The following SFRP1 variants were observed in gnomAD, a reference collection of about 807,000 sequenced individuals.
The protein encoded by SFRP1 is secreted frizzled-related protein 1.
In SFRP1, 9 loss-of-function variants were observed where a neutral mutation model predicts 25.9. That is an observed-to-expected ratio of 0.35 (90% CI 0.21 to 0.61). SFRP1 has a LOEUF of 0.61. SFRP1 is among the 20% of genes least tolerant of loss of function. The probability of loss-of-function intolerance (pLI) is 0.78; values close to 1 mark genes in which losing one functional copy is unlikely to be tolerated. For missense variants in SFRP1, 346 were observed against 418.2 expected (o/e 0.83, Z 1.51); for synonymous variants, 178 against 174.0 (o/e 1.02, Z -0.18).
At chr8:41,306,837 T>G in intron 1 of SFRP1, 1 of 1,598,028 alleles carries the variant, frequency 6.3e-7, no homozygotes, top group Non-Finnish European at 8.5e-7. Context: ...AGACAGCGAT[T>G]ATGGGGTTTC....
chr8:41,305,429 G>T (rs544310669), intron 1 of SFRP1, among the ~76,000 whole-genome samples: 2 of 152,332 alleles, frequency 1.3e-5, no homozygotes, highest in African/African-American at 4.8e-5. Context: ...GCAGGAGCTC[G>T]TTGGGGTGGG....
chr8:41,262,668 G>A lies in SFRP1; in HGVS notation c.*2499C>T, dbSNP rs1356555537. Reference sequence around the variant, plus strand: ...TTACAAATCCCACCTTGGCCCTAGCGATAATTAGGAAATCACAGGCAAACC... The same window carrying A: ...TTACAAATCCCACCTTGGCCCTAGCAATAATTAGGAAATCACAGGCAAACC... On this transcript the variant is annotated 3_prime_UTR_variant, in exon 3 of 3. Transcript: ENST00000220772. 1.3e-5 allele frequency: 2 copies of A among 152,134 alleles called. No homozygotes were observed. The highest frequency in any genetic ancestry group is 2.9e-5 in the Non-Finnish European group (2 of 68,042). 9.4% of individuals were successfully genotyped at this position (152,134 alleles called of 1,614,324 possible).
At chr8:41,301,557 A>G (rs905024750) in intron 2 of SFRP1, among the ~76,000 whole-genome samples, 4 of 152,314 alleles carry the variant, frequency 2.6e-5, no homozygotes, top group African/African-American at 9.6e-5. Context: ...TACGCACACT[A>G]AGGAGGTCAG....
intron 2 of SFRP1, among the ~76,000 whole-genome samples, chr8:41,297,970 G>A (rs1056184996): frequency 6.6e-6 from 1 of 152,200 alleles, no homozygotes; most frequent in African/African-American, 2.4e-5. Context: ...GTGCAATCTG[G>A]CCTGGATGCC....
At chr8:41,285,727 C>T (rs996197603) in intron 2 of SFRP1, among the ~76,000 whole-genome samples, 1 of 152,116 alleles carries the variant, frequency 6.6e-6, no homozygotes, top group Non-Finnish European at 1.5e-5. Flanking sequence ...CAGGGAGTGC[C>T]CCTGCCATGC....
chr8:41,306,928 T>C (rs2117523949), intron 1 of SFRP1: 3 of 1,557,070 alleles, frequency 1.9e-6, no homozygotes, highest in South Asian at 1.2e-5. Context: ...AATCCCCCCA[T>C]GTTCCCTGTG....
intron 2 of SFRP1, among the ~76,000 whole-genome samples, chr8:41,278,063 G>A (rs1056993737): frequency 3.3e-5 from 5 of 152,156 alleles, no homozygotes; most frequent in Non-Finnish European, 7.3e-5. Flanking sequence ...TATCTTTTAA[G>A]GACTCTTTCT....
chr8:41,306,055 C>G (rs1287354700), intron 1 of SFRP1, among the ~76,000 whole-genome samples: 1 of 151,952 alleles, frequency 6.6e-6, no homozygotes, highest in Non-Finnish European at 1.5e-5. Flanking sequence ...AATGCATCAG[C>G]CTGGGAGTTC....
At position 41,290,060 on chromosome 8, in the gene SFRP1, G is replaced by A. The variant is rs116390811; in HGVS notation, c.622+13401C>T. 9.4e-3 allele frequency among the ~76,000 whole-genome samples: 1,433 copies of A among 152,306 alleles called. 21 individuals carry two copies. The highest frequency in any genetic ancestry group is 0.032 in the African/African-American group (1,337 of 41,576). ...CAGACAGACGCACAGGAGGGCACAC[G>A]TACACAGCTCATCACACCACACACT... On this transcript the variant is annotated intron_variant, in intron 2 of 2. Coordinates refer to ENST00000220772, the MANE Select transcript of SFRP1 (RefSeq NM_003012.5).
At chr8:41,268,220 T>C (rs1240859838) in intron 2 of SFRP1, among the ~76,000 whole-genome samples, 1 of 152,122 alleles carries the variant, frequency 6.6e-6, no homozygotes, top group Non-Finnish European at 1.5e-5. Flanking sequence ...GCAGCAACCA[T>C]GTTAAGAAGG....
chr8:41,273,242 C>A (rs1171166230), intron 2 of SFRP1, among the ~76,000 whole-genome samples: 1 of 152,166 alleles, frequency 6.6e-6, no homozygotes, highest in Non-Finnish European at 1.5e-5. Context: ...GTAATCCTAG[C>A]ACTTTGGGAG....
intron 2 of SFRP1, among the ~76,000 whole-genome samples, chr8:41,284,019 C>G (rs1384291021): frequency 6.6e-6 from 1 of 152,198 alleles, no homozygotes; most frequent in African/African-American, 2.4e-5. Context: ...GGATTGCCTA[C>G]AGCTCCCACC....
At chr8:41,276,832 G>C (rs1483065874) in intron 2 of SFRP1, 1 of 424,488 alleles carries the variant, frequency 2.4e-6, no homozygotes, top group African/African-American at 2.0e-5. Context: ...ACCTCAGGAA[G>C]GTGGCCAGGC....
Position 41,264,794 on chromosome 8 carries a change from A to G in SFRP1, c.*373T>C, listed in dbSNP as rs1336196069. The stretch of plus-strand genomic sequence containing the variant: ...ATCAGCCAATAGATCCACACCAACA[A>G]GTTGCAAAATGTAGTTTTTGCTGCT... On this transcript the variant is annotated 3_prime_UTR_variant, in exon 3 of 3. Transcript: ENST00000220772. 5.0e-6 allele frequency: 1 copy of G among 200,364 alleles called. No homozygotes were observed. Among genetic ancestry groups the G allele is most frequent in the Admixed American group, 5.4e-5 (1 of 18,350 alleles). The allele number at this position is 200,364 out of a possible 1,614,324, so 12.4% of individuals were successfully genotyped here.
At chr8:41,300,655 C>G (rs1803903941) in intron 2 of SFRP1, among the ~76,000 whole-genome samples, 1 of 152,188 alleles carries the variant, frequency 6.6e-6, no homozygotes, top group Non-Finnish European at 1.5e-5. Context: ...GCTGTGGGTA[C>G]TGAGCTGTTA....
intron 2 of SFRP1, among the ~76,000 whole-genome samples, chr8:41,282,737 T>C (rs1375284260): frequency 6.6e-6 from 1 of 152,172 alleles, no homozygotes; most frequent in African/African-American, 2.4e-5. Context: ...AAACTACATA[T>C]TCAAAAATAT....
At chr8:41,288,837 A>G (rs1212224063) in intron 2 of SFRP1, among the ~76,000 whole-genome samples, 1 of 152,178 alleles carries the variant, frequency 6.6e-6, no homozygotes, top group Admixed American at 6.5e-5. Context: ...TATGCCATCC[A>G]TCTCTGGGTT....
chr8:41,279,974 C>T (rs1803614679), intron 2 of SFRP1, among the ~76,000 whole-genome samples: 2 of 152,098 alleles, frequency 1.3e-5, no homozygotes, highest in Admixed American at 6.5e-5. Context: ...TTTTTTTCAG[C>T]TTTCTAGGCT....
chr8:41,284,358 C>A (rs1214653937), intron 2 of SFRP1, among the ~76,000 whole-genome samples: 1 of 146,560 alleles, frequency 6.8e-6, no homozygotes, highest in Non-Finnish European at 1.5e-5. Context: ...TGGAGGGCCC[C>A]TCCCACATTG....
Sources: gnomAD v4.1 joint callset for allele counts (sites outside exome capture counted in the v4.1 genomes callset) on GRCh38, gnomAD v4.1.1 for gene constraint, MANE v1.5 for transcripts, NCBI Gene and HGNC (gene_info 2026-07-23, HGNC 2026-07-21) for gene names.